GALNT13: variants seen among roughly 807,000 people sequenced by gnomAD.
The protein encoded by GALNT13 is polypeptide N-acetylgalactosaminyltransferase 13.
In GALNT13, 28 loss-of-function variants were observed where a neutral mutation model predicts 64.2. That is an observed-to-expected ratio of 0.44 (90% CI 0.32 to 0.60). The LOEUF (loss-of-function observed/expected upper bound fraction) is 0.60. Among genes scored for constraint, GALNT13 ranks in the 20% least tolerant of loss-of-function variants. The pLI is 0.05. For synonymous variants in GALNT13, 214 were observed against 224.6 expected (o/e 0.95, Z 0.42); for missense variants, 577 against 669.8 (o/e 0.86, Z 1.53).
intron 4 of GALNT13, among the ~76,000 whole-genome samples, chr2:154,146,146 A>T (rs1449762524): frequency 6.6e-6 from 1 of 151,326 alleles, no homozygotes; most frequent in East Asian, 1.9e-4. Flanking sequence ...GTATATATAT[A>T]TATATACACA....
At chr2:153,294,864 A>G in the GALNT13 span, among the ~76,000 whole-genome samples, 1 of 152,176 alleles carries the variant, frequency 6.6e-6, no homozygotes, top group Non-Finnish European at 1.5e-5. Context: ...GGAGAGGAAA[A>G]AGAAAAAAGT....
At chr2:154,124,833 A>T (rs540700866) in intron 3 of GALNT13, among the ~76,000 whole-genome samples, 29 of 152,240 alleles carry the variant, frequency 1.9e-4, no homozygotes, top group African/African-American at 7.0e-4. Flanking sequence ...TGTATACCAT[A>T]GTTTTGATTA....
chr2:153,309,232 T>C, the GALNT13 span, among the ~76,000 whole-genome samples: 20 of 152,242 alleles, frequency 1.3e-4, no homozygotes, highest in African/African-American at 4.6e-4. Flanking sequence ...CCTCTTCTGC[T>C]TCTAAGACTC....
intron 3 of GALNT13, among the ~76,000 whole-genome samples, chr2:154,123,436 C>T (rs1025420326): frequency 6.6e-6 from 1 of 151,816 alleles, no homozygotes; most frequent in African/African-American, 2.4e-5. Context: ...AATAGACACT[C>T]CTATTATTTG....
the GALNT13 span, among the ~76,000 whole-genome samples, chr2:153,493,219 G>A: frequency 6.6e-6 from 1 of 151,856 alleles, no homozygotes; most frequent in Non-Finnish European, 1.5e-5. Context: ...AATTAATGCA[G>A]AAACCTGGTT....
chr2:153,823,311 G>A, the GALNT13 span, among the ~76,000 whole-genome samples: 10 of 152,242 alleles, frequency 6.6e-5, no homozygotes, highest in East Asian at 1.5e-3. Context: ...TGCCTGAATA[G>A]CCAAAGCAAC....
intron 8 of GALNT13, among the ~76,000 whole-genome samples, chr2:154,289,869 A>G (rs188524595): frequency 9.4e-4 from 143 of 152,320 alleles, no homozygotes; most frequent in Non-Finnish European, 7.3e-5. Context: ...GTCCTTCACC[A>G]AGGAGACAGC....
intron 3 of GALNT13, among the ~76,000 whole-genome samples, chr2:153,952,763 G>A (rs1278663779): frequency 1.0e-5 from 1 of 98,552 alleles, no homozygotes; most frequent in South Asian, 3.2e-4. Flanking sequence ...AAGCCAGTCC[G>A]AGTCCCAAAA....
chr2:154,157,739 C>T (rs1290468074), intron 4 of GALNT13, among the ~76,000 whole-genome samples: 1 of 152,162 alleles, frequency 6.6e-6, no homozygotes, highest in Non-Finnish European at 1.5e-5. Flanking sequence ...TTTATCCCCA[C>T]AATACAGCAA....
At chr2:153,085,589 A>G in the GALNT13 span, among the ~76,000 whole-genome samples, 5 of 152,210 alleles carry the variant, frequency 3.3e-5, no homozygotes, top group South Asian at 2.1e-4. Context: ...CATGGTGTTG[A>G]GCCTGTGGAT....
intron 4 of GALNT13, among the ~76,000 whole-genome samples, chr2:154,176,576 A>G (rs1685668614): frequency 6.6e-6 from 1 of 152,180 alleles, no homozygotes; most frequent in Non-Finnish European, 1.5e-5. Context: ...TAATTAATAA[A>G]TATTCATTTT....
At chr2:153,948,955 C>T (rs1054586903) in intron 3 of GALNT13, among the ~76,000 whole-genome samples, 2 of 151,938 alleles carry the variant, frequency 1.3e-5, no homozygotes, top group African/African-American at 4.8e-5. Context: ...CACATGTTTA[C>T]TGATGGAACA....
the GALNT13 span, among the ~76,000 whole-genome samples, chr2:153,542,041 G>A: frequency 6.6e-6 from 1 of 152,228 alleles, no homozygotes; most frequent in Admixed American, 6.5e-5. Flanking sequence ...TTAAAGGCCG[G>A]GTACAGTGGC....
At chr2:153,583,641 G>A in the GALNT13 span, among the ~76,000 whole-genome samples, 1 of 152,128 alleles carries the variant, frequency 6.6e-6, no homozygotes, top group South Asian at 2.1e-4. Context: ...CAAGCTCTCA[G>A]TCTAACTTAG....
chr2:154,421,112 C>T (rs951190858), intron 11 of GALNT13, among the ~76,000 whole-genome samples: 3 of 151,886 alleles, frequency 2.0e-5, no homozygotes, highest in Non-Finnish European at 4.4e-5. Context: ...AAATAGTTGA[C>T]TAGGCAATAC....
the GALNT13 span, among the ~76,000 whole-genome samples, chr2:153,246,631 A>G: frequency 6.6e-6 from 1 of 152,246 alleles, no homozygotes; most frequent in Non-Finnish European, 1.5e-5. Flanking sequence ...CCTGCTTACA[A>G]GAGCTCCTGA....
chr2:153,342,952 G>C, the GALNT13 span, among the ~76,000 whole-genome samples: 2 of 152,108 alleles, frequency 1.3e-5, no homozygotes, highest in African/African-American at 4.8e-5. Context: ...CATGTGTCAA[G>C]GAAAAGGCAA....
chr2:153,344,695 A>G, the GALNT13 span, among the ~76,000 whole-genome samples: 1 of 152,350 alleles, frequency 6.6e-6, no homozygotes, highest in East Asian at 1.9e-4. Context: ...GACTATAGAT[A>G]ATAATAGTGT....
At chr2:153,730,123 C>T in the GALNT13 span, among the ~76,000 whole-genome samples, 1 of 151,800 alleles carries the variant, frequency 6.6e-6, no homozygotes, top group African/African-American at 2.4e-5. Flanking sequence ...AAAAAAAAGT[C>T]TGAATCATCA....
Sources: allele counts gnomAD v4.1 joint callset (sites outside exome capture counted in the v4.1 genomes callset), GRCh38; gene constraint gnomAD v4.1.1; transcripts MANE v1.5; gene names NCBI Gene and HGNC (gene_info 2026-07-23, HGNC 2026-07-21).